The following FBXW7 variants were observed in gnomAD, a reference collection of about 807,000 sequenced individuals.
FBXW7 encodes F-box/WD repeat-containing protein 7.
FBXW7 carries 11 observed loss-of-function variants against 86.3 expected under a neutral mutation model. That is an observed-to-expected ratio of 0.13 (90% confidence interval 0.08 to 0.21). The LOEUF (loss-of-function observed/expected upper bound fraction) is 0.21. Ranked by LOEUF, FBXW7 falls within the 10% of genes least tolerant of loss-of-function variation. FBXW7 has a pLI of 1.00. For synonymous variants in FBXW7, 313 were observed against 297.9 expected, an observed-to-expected ratio of 1.05 and a Z score of -0.52; for missense variants, 488 against 847.4, an observed-to-expected ratio of 0.58 and a Z score of 5.27.
rs764939264 is a variant in FBXW7 at position 152,337,877 on chromosome 4, T to C, written c.786A>G (p.Pro262=). The C allele has an allele frequency of 6.2e-7, 1 of 1,612,742 alleles. No individual in the cohort carries two copies. The highest frequency in any genetic ancestry group is 8.5e-7 in the Non-Finnish European group (1 of 1,179,234). ...ALDELIDSCE[P]TQVKHMMQVI... is the part of the protein sequence containing the mutation. The stretch of plus-strand genomic sequence containing the variant: ...CTTGCATCATATGTTTTACTTGTGT[T>C]GGTTCACAACTATCAATGAGTTCAT... Residue 262 remains proline, a synonymous_variant, in exon 7 of 14, where the codon CCA becomes CCG. Coordinates refer to ENST00000281708, the MANE Select transcript of FBXW7 (RefSeq NM_001349798.2).
chr4:152,403,860 T>C (rs917880933), intron 4 of FBXW7, among the ~76,000 whole-genome samples: 3 of 152,106 alleles, frequency 2.0e-5, no homozygotes, highest in Non-Finnish European at 1.5e-5. Context: ...AAACAGACTC[T>C]GAAATTGCTC....
intron 4 of FBXW7, among the ~76,000 whole-genome samples, chr4:152,379,140 A>G (rs1734825262): frequency 6.6e-6 from 1 of 152,176 alleles, no homozygotes; most frequent in Non-Finnish European, 1.5e-5. Context: ...CTTATTTCAT[A>G]TATGCTTATA....
chr4:152,370,519 T>A (rs183818524), intron 4 of FBXW7, among the ~76,000 whole-genome samples: 1 of 152,020 alleles, frequency 6.6e-6, no homozygotes, highest in Non-Finnish European at 1.5e-5. Flanking sequence ...AAATTCCTAA[T>A]GAATGCAAAC....
chr4:152,449,597 T>C (rs892615717), intron 2 of FBXW7, among the ~76,000 whole-genome samples: 3 of 152,160 alleles, frequency 2.0e-5, no homozygotes, highest in Admixed American at 2.0e-4. Context: ...TGACCACAAG[T>C]AAAAAGCCAT....
intron 2 of FBXW7, among the ~76,000 whole-genome samples, chr4:152,415,843 T>C (rs1489853589): frequency 2.0e-5 from 3 of 152,246 alleles, no homozygotes; most frequent in Non-Finnish European, 1.5e-5. Context: ...CTCTTTTTAT[T>C]TCTTTTACTT....
intron 2 of FBXW7, among the ~76,000 whole-genome samples, chr4:152,497,343 C>CCACA (rs753468896): frequency 0.021 from 1,806 of 86,882 alleles, 21 homozygotes; most frequent in African/African-American, 0.045. Flanking sequence ...AAAAAAAAAA[C>CCACA]CACACACACA....
rs1039258978 is a variant in FBXW7, at chr4:152,534,098, A to T, written c.-120+843T>A. ...ACTCTGACAAGATACCTAAAATACA[A>T]GTCAAAGGTTTTATAAACTTCAGCT... On this transcript the variant is annotated intron_variant, in intron 2 of 13. Transcript: ENST00000281708. Among the ~76,000 whole-genome samples, 3 of 152,226 alleles carry T rather than the reference A, an allele frequency of 2.0e-5. 1 individual carries two copies. The highest frequency in any genetic ancestry group is 1.3e-4 in the Admixed American group (2 of 15,284).
intron 11 of FBXW7, among the ~76,000 whole-genome samples, chr4:152,327,153 G>C (rs1052434230): frequency 6.6e-6 from 1 of 152,004 alleles, no homozygotes; most frequent in Non-Finnish European, 1.5e-5. Context: ...AAAGGGTTGA[G>C]AGAACCCTTT....
At chr4:152,465,990 T>C (rs1479728551) in intron 2 of FBXW7, among the ~76,000 whole-genome samples, 1 of 152,190 alleles carries the variant, frequency 6.6e-6, no homozygotes, top group African/African-American at 2.4e-5. Flanking sequence ...AGGCCGTTAT[T>C]TGAAGTTGAC....
In FBXW7 at chr4:152,323,049, T is replaced by G; in HGVS notation, c.1956A>C (p.Lys652Asn). 1 of 1,613,846 alleles carries G rather than the reference T, an allele frequency of 6.2e-7. No individual in the cohort carries two copies. Among genetic ancestry groups the G allele is most frequent in the African/African-American group, 1.3e-5 (1 of 74,996 alleles). Residue 652 changes from lysine to asparagine, a missense_variant, in exon 14 of 14, where the codon AAA becomes AAC. Coordinates refer to ENST00000281708, the MANE Select transcript of FBXW7 (RefSeq NM_001349798.2). The stretch of plus-strand genomic sequence containing the variant: ...CTAGGTTTCGAATAAATTCACCCGT[T>G]TTCAAGTCCCATAGTTTTACAGTTC... ...DDGTVKLWDL[K>N]TGEFIRNLVT...
At chr4:152,484,178 A>T (rs1745142006) in intron 2 of FBXW7, among the ~76,000 whole-genome samples, 1 of 152,040 alleles carries the variant, frequency 6.6e-6, no homozygotes, top group South Asian at 2.1e-4. Flanking sequence ...ATTTATTACT[A>T]CTTATTTTAT....
Position 152,332,073 on chromosome 4 carries a change from A to AT in FBXW7, c.985+522dup, listed in dbSNP as rs528717916. On this transcript the variant is annotated intron_variant, in intron 8 of 13. Transcript: ENST00000281708. The stretch of plus-strand genomic sequence containing the variant: ...AGTATTTTTATATTTTTTCAAAAAT[A>AT]TTTTTCTGGATGTCTGCTGGGAAAA... Among the ~76,000 whole-genome samples, 856 of 152,042 alleles carry AT rather than the reference A, an allele frequency of 5.6e-3. 12 individuals carry two copies. Among genetic ancestry groups the AT allele is most frequent in the African/African-American group, 0.019 (794 of 41,512 alleles).
At chr4:152,393,676 TACTC>T (rs1736181467) in intron 4 of FBXW7, among the ~76,000 whole-genome samples, 1 of 152,162 alleles carries the variant, frequency 6.6e-6, no homozygotes, top group South Asian at 2.1e-4. Context: ...TGTTGGCACT[TACTC>T]CTCAAATTCA....
intron 4 of FBXW7, among the ~76,000 whole-genome samples, chr4:152,358,172 A>C (rs916790086): frequency 6.6e-6 from 1 of 152,230 alleles, no homozygotes; most frequent in Non-Finnish European, 1.5e-5. Context: ...AGTAAGACAG[A>C]TATCATGGAA....
chr4:152,481,646 A>C lies in FBXW7; in HGVS notation c.-120+53295T>G, dbSNP rs188148075. Among the ~76,000 whole-genome samples the C allele has an allele frequency of 2.6e-3, 400 of 152,318 alleles. 1 individual carries two copies. The highest frequency in any genetic ancestry group is 4.8e-3 in the Admixed American group (74 of 15,292). ...TTCATTATTCATGAGTGGAGATCAA[A>C]ACACCAGCATTAACAGAACTCTGGA... On this transcript the variant is annotated intron_variant, in intron 2 of 13. Coordinates refer to ENST00000281708, the MANE Select transcript of FBXW7 (RefSeq NM_001349798.2).
At chr4:152,392,003 A>C (rs1736035391) in intron 4 of FBXW7, among the ~76,000 whole-genome samples, 1 of 152,188 alleles carries the variant, frequency 6.6e-6, no homozygotes, top group Admixed American at 6.6e-5. Context: ...GAAATAAAGT[A>C]TTGTATAAGA....
chr4:152,481,046 T>C (rs1432073272), intron 2 of FBXW7, among the ~76,000 whole-genome samples: 2 of 152,214 alleles, frequency 1.3e-5, no homozygotes, highest in Admixed American at 6.5e-5. Flanking sequence ...AGAAGCCATG[T>C]AGTACTTTCC....
chr4:152,513,317 G>T (rs564925111), intron 2 of FBXW7, among the ~76,000 whole-genome samples: 121 of 152,202 alleles, frequency 7.9e-4, no homozygotes, highest in Non-Finnish European at 1.3e-3. Context: ...AAAATAGAAA[G>T]CAACTACACT....
chr4:152,417,192 CAAG>C (rs374512937), intron 2 of FBXW7, among the ~76,000 whole-genome samples: 43 of 152,264 alleles, frequency 2.8e-4, no homozygotes, highest in African/African-American at 9.9e-4. Flanking sequence ...CTATTAATTT[CAAG>C]AAGGTGTCCC....
Sources: gnomAD v4.1 joint callset for allele counts (sites outside exome capture counted in the v4.1 genomes callset) on GRCh38, gnomAD v4.1.1 for gene constraint, MANE v1.5 for transcripts, NCBI Gene and HGNC (gene_info 2026-07-23, HGNC 2026-07-21) for gene names.